The following GPR141 variants were observed in gnomAD, a reference collection of about 807,000 sequenced individuals.
The protein encoded by GPR141 is G protein-coupled receptor 141.
Under a neutral mutation model 6.8 loss-of-function variants are expected in GPR141, and 6 were observed. The observed-to-expected ratio is 0.88, with a 90% CI of 0.48 to 1.74. GPR141 has a LOEUF of 1.74. GPR141 is among the 40% of genes most tolerant of loss of function. The probability of loss-of-function intolerance (pLI) is 0.01; values close to 1 mark genes in which losing one functional copy is unlikely to be tolerated. For synonymous variants in GPR141, 140 were observed against 142.3 expected (o/e 0.98, Z 0.11); for missense variants, 372 against 372.9 (o/e 1.00, Z 0.02).
At chr7:37,735,698 A>C (rs576863367) in intron 2 of GPR141, among the ~76,000 whole-genome samples, 2 of 152,318 alleles carry the variant, frequency 1.3e-5, no homozygotes, top group African/African-American at 4.8e-5. Flanking sequence ...AAAGGAAAAG[A>C]TTACATAATG....
intron 2 of GPR141, among the ~76,000 whole-genome samples, chr7:37,717,501 C>T (rs1001861296): frequency 2.6e-5 from 4 of 152,134 alleles, no homozygotes; most frequent in African/African-American, 9.7e-5. Flanking sequence ...CATTAACAAA[C>T]GTTTCCATAT....
At chr7:37,732,370 G>C (rs2131846757) in intron 2 of GPR141, among the ~76,000 whole-genome samples, 1 of 152,000 alleles carries the variant, frequency 6.6e-6, no homozygotes, top group East Asian at 1.9e-4. Flanking sequence ...TGAGTTGCGA[G>C]AGTCTGCCCC....
intron 2 of GPR141, among the ~76,000 whole-genome samples, chr7:37,689,149 A>T (rs943942417): frequency 5.3e-5 from 8 of 152,134 alleles, no homozygotes; most frequent in Non-Finnish European, 1.2e-4. Flanking sequence ...TGAGATGATT[A>T]CATGGCTTTT....
chr7:37,721,666 G>T (rs1045275093), intron 2 of GPR141, among the ~76,000 whole-genome samples: 11 of 152,108 alleles, frequency 7.2e-5, no homozygotes, highest in African/African-American at 2.7e-4. Flanking sequence ...TTTTGTTGGC[G>T]TGGCAGCTGA....
chr7:37,707,203 C>T (rs1372788380), intron 2 of GPR141, among the ~76,000 whole-genome samples: 1 of 152,080 alleles, frequency 6.6e-6, no homozygotes, highest in Admixed American at 6.6e-5. Context: ...CAAGACAATT[C>T]TAAGTATTTT....
intron 2 of GPR141, among the ~76,000 whole-genome samples, chr7:37,693,163 T>A (rs1809857329): frequency 6.6e-6 from 1 of 152,234 alleles, no homozygotes; most frequent in South Asian, 2.1e-4. Context: ...TTTAACCATC[T>A]TGAGTTAATT....
intron 2 of GPR141, chr7:37,713,397 C>T (rs960240261): frequency 2.0e-5 from 3 of 152,214 alleles, no homozygotes; most frequent in East Asian, 1.9e-4. Context: ...AGCAATCCTT[C>T]TACCTTGGCC....
intron 2 of GPR141, among the ~76,000 whole-genome samples, chr7:37,689,867 T>G (rs1809677373): frequency 6.6e-6 from 1 of 152,078 alleles, no homozygotes; most frequent in Non-Finnish European, 1.5e-5. Context: ...GTTTCATTTC[T>G]CTTGTTATTT....
chr7:37,723,208 A>G (rs2709104), intron 2 of GPR141, among the ~76,000 whole-genome samples: 117,863 of 151,746 alleles, frequency 0.78, 46,393 homozygotes, highest in African/African-American at 0.91. Flanking sequence ...GGCCATGCTC[A>G]TCTTGAGCTC....
chr7:37,722,381 A>G (rs1405527010), intron 2 of GPR141, among the ~76,000 whole-genome samples: 18 of 151,612 alleles, frequency 1.2e-4, no homozygotes, highest in Non-Finnish European at 2.6e-4. Context: ...ACTTGAGGCC[A>G]GGAGCTTGAG....
At chr7:37,727,828 A>G (rs567328785) in intron 2 of GPR141, among the ~76,000 whole-genome samples, 2 of 152,368 alleles carry the variant, frequency 1.3e-5, no homozygotes, top group South Asian at 4.1e-4. Flanking sequence ...TGAAATATTA[A>G]GATGTCATTT....
chr7:37,701,932 A>G (rs550242675), intron 2 of GPR141, among the ~76,000 whole-genome samples: 122 of 152,314 alleles, frequency 8.0e-4, no homozygotes, highest in Middle Eastern at 3.4e-3. Flanking sequence ...TAACCTTTCC[A>G]GGAAGAATAA....
chr7:37,697,873 C>T (rs997616208), intron 2 of GPR141, among the ~76,000 whole-genome samples: 4 of 152,158 alleles, frequency 2.6e-5, no homozygotes, highest in Non-Finnish European at 5.9e-5. Flanking sequence ...CTGGTTATCT[C>T]TCATCTTGTA....
At chr7:37,684,548 A>G (rs1809416822) in intron 1 of GPR141, among the ~76,000 whole-genome samples, 1 of 152,240 alleles carries the variant, frequency 6.6e-6, no homozygotes, top group African/African-American at 2.4e-5. Context: ...TACTTTAAGT[A>G]AAATACTTTC....
At chr7:37,725,834 T>C (rs908789255) in intron 2 of GPR141, among the ~76,000 whole-genome samples, 1 of 151,914 alleles carries the variant, frequency 6.6e-6, no homozygotes, top group African/African-American at 2.4e-5. Context: ...TTACCATGTT[T>C]GCTTTGTTTT....
rs146034865 is a variant in GPR141 at position 37,686,123 on chromosome 7, C to CAAG, written c.-15+540_-15+541insAAG. On this transcript the variant is annotated intron_variant, in intron 2 of 2. Transcript: ENST00000334425. Reference sequence around the variant, plus strand: ...AAGTGGTCCTCTCACTTCAGCCTTCCGAATAGCTGGGAGTGCAGGTGTGAG... The same window carrying CAAG: ...AAGTGGTCCTCTCACTTCAGCCTTCCAAGGAATAGCTGGGAGTGCAGGTGTGAG... 2.8e-4 allele frequency among the ~76,000 whole-genome samples: 42 copies of CAAG among 150,894 alleles called. No homozygotes were observed. In the East Asian group the frequency reaches 7.8e-3, roughly 28 times the overall value.
At chr7:37,711,440 A>AT (rs1421093662) in intron 2 of GPR141, among the ~76,000 whole-genome samples, 2 of 152,190 alleles carry the variant, frequency 1.3e-5, no homozygotes, top group Non-Finnish European at 2.9e-5. Context: ...AAATCAAGTC[A>AT]TGGGGCAGGA....
intron 2 of GPR141, among the ~76,000 whole-genome samples, chr7:37,718,584 A>G (rs1265227276): frequency 6.6e-6 from 1 of 151,912 alleles, no homozygotes; most frequent in Non-Finnish European, 1.5e-5. Flanking sequence ...ATTCTAGAAA[A>G]GAAGGTTTAG....
intron 2 of GPR141, among the ~76,000 whole-genome samples, chr7:37,736,564 A>T (rs967950720): frequency 6.6e-6 from 1 of 151,850 alleles, no homozygotes; most frequent in African/African-American, 2.4e-5. Context: ...GAAAGAAAAA[A>T]GACATGCAAC....
Sources: gnomAD v4.1 joint callset for allele counts (sites outside exome capture counted in the v4.1 genomes callset) on GRCh38, gnomAD v4.1.1 for gene constraint, MANE v1.5 for transcripts, NCBI Gene and HGNC (gene_info 2026-07-23, HGNC 2026-07-21) for gene names.